DPYSL5: variants seen among roughly 807,000 people sequenced by gnomAD.
DPYSL5 encodes the protein dihydropyrimidinase-related protein 5.
DPYSL5 carries 9 observed loss-of-function variants against 58.4 expected under a neutral mutation model. That is an observed-to-expected ratio of 0.15 (90% confidence interval 0.09 to 0.27). The LOEUF (loss-of-function observed/expected upper bound fraction) is 0.27, where lower values mean the gene tolerates loss of function less well. Ranked by LOEUF, DPYSL5 falls within the 10% of genes least tolerant of loss-of-function variation. The pLI is 1.00. For synonymous variants in DPYSL5, 293 were observed against 301.9 expected (o/e 0.97, Z 0.31); for missense variants, 499 against 770.6 (o/e 0.65, Z 4.17).
intron 1 of DPYSL5, among the ~76,000 whole-genome samples, chr2:26,887,456 G>A (rs986736694): frequency 3.3e-5 from 5 of 152,202 alleles, no homozygotes; most frequent in South Asian, 2.1e-4. Flanking sequence ...GGGAGCTGGG[G>A]AAGGCGATGA....
intron 1 of DPYSL5, among the ~76,000 whole-genome samples, chr2:26,874,001 T>A (rs1351864369): frequency 6.6e-6 from 1 of 152,226 alleles, no homozygotes; most frequent in Non-Finnish European, 1.5e-5. Flanking sequence ...TGCATTTCCC[T>A]GATAACCAAT....
chr2:26,870,412 G>T (rs1663230124), intron 1 of DPYSL5, among the ~76,000 whole-genome samples: 1 of 152,144 alleles, frequency 6.6e-6, no homozygotes, highest in African/African-American at 2.4e-5. Flanking sequence ...ACCCAGACAG[G>T]TCAAACTGTA....
At chr2:26,854,254 T>C (rs1008461701) in intron 1 of DPYSL5, among the ~76,000 whole-genome samples, 1 of 151,848 alleles carries the variant, frequency 6.6e-6, no homozygotes, top group Non-Finnish European at 1.5e-5. Context: ...AGGTCAGGAG[T>C]TCGAGACCAG....
chr2:26,928,704 T>TACACACACACAC (rs1553320464), intron 5 of DPYSL5, among the ~76,000 whole-genome samples: 3 of 62,960 alleles, frequency 4.8e-5, no homozygotes, highest in Non-Finnish European at 9.9e-5. Context: ...TATATATATA[T>TACACACACACAC]ACACACACAC....
intron 1 of DPYSL5, among the ~76,000 whole-genome samples, chr2:26,854,224 C>T (rs1665823020): frequency 6.6e-6 from 1 of 151,964 alleles, no homozygotes; most frequent in Non-Finnish European, 1.5e-5. Context: ...TTTGGGAGGT[C>T]GAGGCAGGAA....
intron 2 of DPYSL5, among the ~76,000 whole-genome samples, chr2:26,920,671 A>G (rs531228308): frequency 4.3e-4 from 65 of 152,358 alleles, no homozygotes; most frequent in African/African-American, 1.5e-3. Context: ...AGGCTGAGGC[A>G]GGAGAATCAC....
At chr2:26,850,053 C>T (rs776452416) in intron 1 of DPYSL5, among the ~76,000 whole-genome samples, 4 of 152,096 alleles carry the variant, frequency 2.6e-5, no homozygotes, top group Non-Finnish European at 5.9e-5. Flanking sequence ...CCGAGGCGGC[C>T]GTAGTCTAGG....
At chr2:26,946,131 G>A (rs557939918) in intron 12 of DPYSL5, among the ~76,000 whole-genome samples, 8 of 152,188 alleles carry the variant, frequency 5.3e-5, no homozygotes, top group South Asian at 4.2e-4. Flanking sequence ...TGCCAGTCCC[G>A]GAGGCATGGA....
intron 2 of DPYSL5, among the ~76,000 whole-genome samples, chr2:26,899,981 C>G (rs1664114043): frequency 6.6e-6 from 1 of 152,196 alleles, no homozygotes. Context: ...ACAGTCGGGA[C>G]CTTTCTCAAG....
At chr2:26,883,539 C>T (rs1011970726) in intron 1 of DPYSL5, among the ~76,000 whole-genome samples, 41 of 152,262 alleles carry the variant, frequency 2.7e-4, no homozygotes, top group African/African-American at 9.9e-4. Context: ...GCTGGGATTA[C>T]AGGCACGCAC....
rs952228402 is a variant in DPYSL5, at chr2:26,849,775, T to C, written c.-5+1521T>C. Among the ~76,000 whole-genome samples, 3 of 152,180 alleles carry C rather than the reference T, an allele frequency of 2.0e-5. No homozygotes were observed. The highest frequency in any genetic ancestry group is 7.2e-5 in the African/African-American group (3 of 41,458). ...ACTCCCTGCGGAACCTCCGGGCACG[T>C]GCTGGCTTTGGGGTTTTATGGGGGC... is the stretch of plus-strand genomic sequence containing the variant. On this transcript the variant is annotated intron_variant, in intron 1 of 12. Coordinates refer to ENST00000288699, the MANE Select transcript of DPYSL5 (RefSeq NM_020134.4). This position sits in a 1 kb window ranked among gnomAD's most constrained non-coding sequence, Gnocchi z 6.2.
chr2:26,901,738 G>A (rs1020080734), intron 2 of DPYSL5, among the ~76,000 whole-genome samples: 3 of 152,196 alleles, frequency 2.0e-5, no homozygotes, highest in East Asian at 1.9e-4. Flanking sequence ...GACAGATAGC[G>A]GGGCCCTGAA....
chr2:26,931,569 G>A (rs906375698), intron 5 of DPYSL5, 71 bp from the exon 6 acceptor site: 24 of 1,593,358 alleles, frequency 1.5e-5, no homozygotes, highest in Admixed American at 1.7e-5. Flanking sequence ...CCATGAAGGG[G>A]AGAGTATGGT....
chr2:26,909,709 A>G (rs1185411395), intron 2 of DPYSL5, among the ~76,000 whole-genome samples: 1 of 152,116 alleles, frequency 6.6e-6, no homozygotes, highest in Non-Finnish European at 1.5e-5. Flanking sequence ...CAGAAGTTTG[A>G]GGCTGCAGTG....
intron 1 of DPYSL5, among the ~76,000 whole-genome samples, chr2:26,868,361 G>T (rs2148115237): frequency 6.6e-6 from 1 of 151,696 alleles, no homozygotes; most frequent in Middle Eastern, 3.4e-3. Flanking sequence ...TTGTGTCTTT[G>T]TGTGTGTGTG....
chr2:26,908,588 A>G (rs1405745560), intron 2 of DPYSL5, among the ~76,000 whole-genome samples: 1 of 151,890 alleles, frequency 6.6e-6, no homozygotes, highest in Admixed American at 6.6e-5. Flanking sequence ...TTGGGAAAAA[A>G]CCTCCTATGG....
rs564378192 is a variant in DPYSL5 at position 26,877,218 on chromosome 2, C to T, written c.-4-21278C>T. On this transcript the variant is annotated intron_variant, in intron 1 of 12. Coordinates refer to ENST00000288699, the MANE Select transcript of DPYSL5 (RefSeq NM_020134.4). This position sits in a 1 kb window ranked among gnomAD's most constrained non-coding sequence, Gnocchi z 4.1. ...TGACCTCAGGTGATCTGCCGGCCTC[C>T]GCCTCCCAAAGTGCTGGGATTACAG... 1.9e-3 allele frequency among the ~76,000 whole-genome samples: 292 copies of T among 151,208 alleles called. No homozygotes were observed. The highest frequency in any genetic ancestry group is 6.3e-3 in the African/African-American group (259 of 41,216).
chr2:26,942,635 G>A lies in DPYSL5; in HGVS notation c.1325G>A (p.Arg442Gln), dbSNP rs1255693630. 3.1e-6 allele frequency: 5 copies of A among 1,614,142 alleles called. No individual in the cohort carries two copies. The highest frequency in any genetic ancestry group is 1.3e-5 in the African/African-American group (1 of 75,068). Reference protein sequence around the residue: ...CHGVPLVTISRGRVVYENGVF... With the variant: ...CHGVPLVTISQGRVVYENGVF... ...GGCGTGCCACTGGTCACCATCAGCCGGGGGCGCGTCGTGTATGAGAACGGC... is the reference window on the plus strand; with the variant it reads ...GGCGTGCCACTGGTCACCATCAGCCAGGGGCGCGTCGTGTATGAGAACGGC... Residue 442 changes from arginine (R) to glutamine (Q), a missense_variant, in exon 11 of 13, where the codon CGG (arginine) becomes CAG (glutamine). This residue lies in a region of DPYSL5 where 404 missense variants were observed against 647.6 expected (regional missense o/e 0.62). Transcript: ENST00000288699. This position sits in a 1 kb window ranked among gnomAD's most constrained non-coding sequence, Gnocchi z 5.9.
intron 1 of DPYSL5, among the ~76,000 whole-genome samples, chr2:26,858,382 A>G (rs1263418123): frequency 1.3e-5 from 2 of 152,066 alleles, no homozygotes; most frequent in Non-Finnish European, 2.9e-5. Context: ...CGTGTTAGCC[A>G]GGATGGTCTT....
Sources: allele counts gnomAD v4.1 joint callset (sites outside exome capture counted in the v4.1 genomes callset), GRCh38; gene constraint gnomAD v4.1.1; regional missense constraint gnomAD v4.1.1; non-coding constraint Gnocchi (gnomAD v3.1); transcripts MANE v1.5; gene names NCBI Gene and HGNC (gene_info 2026-07-23, HGNC 2026-07-21).